PRKACA: variants seen among roughly 807,000 people sequenced by gnomAD.
PRKACA encodes the protein cAMP-dependent protein kinase catalytic subunit alpha.
Under a neutral mutation model 45.8 loss-of-function variants are expected in PRKACA, and 9 were observed. That is an observed-to-expected ratio of 0.20 (90% CI 0.12 to 0.34). The LOEUF (loss-of-function observed/expected upper bound fraction) is 0.34, where lower values mean the gene tolerates loss of function less well. PRKACA is among the 10% of genes least tolerant of loss of function. The probability of loss-of-function intolerance (pLI) is 1.00; values close to 1 mark genes in which losing one functional copy is unlikely to be tolerated. For synonymous variants in PRKACA, 160 were observed against 178.6 expected (o/e 0.90, Z 0.83); for missense variants, 238 against 458.6 (o/e 0.52, Z 4.39).
At chr19:14,113,925 A>G (rs550306962) in intron 1 of PRKACA, among the ~76,000 whole-genome samples, 30 of 151,978 alleles carry the variant, frequency 2.0e-4, no homozygotes, top group Admixed American at 9.2e-4. Flanking sequence ...CGGGTGGACC[A>G]TCCTCCCTTG....
At chr19:14,098,678 T>C (rs1373441670) in intron 5 of PRKACA, among the ~76,000 whole-genome samples, 1 of 151,472 alleles carries the variant, frequency 6.6e-6, no homozygotes, top group Non-Finnish European at 1.5e-5. Flanking sequence ...ATATTTTTAG[T>C]AGAGACGGGG....
At chr19:14,098,177 C>A in intron 5 of PRKACA, 1 of 329,156 alleles carries the variant, frequency 3.0e-6, no homozygotes, top group South Asian at 5.0e-5. Context: ...GCATTTCAAA[C>A]TGATTATGTT....
Position 14,092,926 on chromosome 19 carries a change from G to T in PRKACA, c.*186C>A. On this transcript the variant is annotated 3_prime_UTR_variant, in exon 10 of 10. Coordinates refer to ENST00000308677, the MANE Select transcript of PRKACA (RefSeq NM_002730.4). ...AGGGTGAAGGGGATGAGGGGGAGCA[G>T]CTGGTGTTTCTGTCCCTCTGATTAT... 1.5e-6 allele frequency: 1 copy of T among 681,548 alleles called. No homozygotes were observed. The highest frequency in any genetic ancestry group is 2.3e-6 in the Non-Finnish European group (1 of 428,784). The allele number at this position is 681,548 out of a possible 1,614,324, so 42.2% of individuals were successfully genotyped here.
intron 5 of PRKACA, among the ~76,000 whole-genome samples, chr19:14,098,973 A>G (rs1852724803): frequency 6.6e-6 from 1 of 152,098 alleles, no homozygotes; most frequent in Admixed American, 6.6e-5. Context: ...TGTAAAGTGA[A>G]TCTATAGTTA....
chr19:14,110,130 C>G (rs1966926032), intron 1 of PRKACA, among the ~76,000 whole-genome samples: 1 of 149,854 alleles, frequency 6.7e-6, no homozygotes, highest in African/African-American at 2.5e-5. Flanking sequence ...GGCAACATAG[C>G]AAGACCCAAT....
At chr19:14,114,336 T>C (rs900454894) in intron 1 of PRKACA, 2 of 752,012 alleles carry the variant, frequency 2.7e-6, no homozygotes, top group Non-Finnish European at 4.4e-6. Context: ...GAGGGACAGA[T>C]AGGGCCCTCC....
chr19:14,096,095 A>G (rs2145746497), intron 8 of PRKACA, among the ~76,000 whole-genome samples: 1 of 144,738 alleles, frequency 6.9e-6, no homozygotes, highest in South Asian at 2.2e-4. Context: ...CTGGAGTACA[A>G]TGGTGTGATC....
At chr19:14,102,427 A>G (rs1023950510) in intron 4 of PRKACA, among the ~76,000 whole-genome samples, 2 of 152,154 alleles carry the variant, frequency 1.3e-5, no homozygotes, top group African/African-American at 4.8e-5. Context: ...TTACCATGAG[A>G]AAGCTGAGGC....
chr19:14,093,848 C>T (rs1266439517), intron 8 of PRKACA, 56 bp from the exon 9 acceptor site: 10 of 1,522,064 alleles, frequency 6.6e-6, no homozygotes, highest in African/African-American at 1.4e-5. Context: ...TTGGGAAGCC[C>T]ATGATGCTTC....
chr19:14,113,805 C>T (rs1032673808), intron 1 of PRKACA, among the ~76,000 whole-genome samples: 2 of 152,048 alleles, frequency 1.3e-5, no homozygotes, highest in East Asian at 3.9e-4. Flanking sequence ...CTGGAACGAC[C>T]CCCATTCTGA....
chr19:14,093,121 A>C lies in PRKACA; in HGVS notation c.1047T>G (p.Ser349=). 1.2e-6 allele frequency: 2 copies of C among 1,610,542 alleles called. No homozygotes were observed. The highest frequency in any genetic ancestry group is 1.7e-6 in the Non-Finnish European group (2 of 1,178,856). The change falls in exon 10 of 10, where the codon TCT becomes TCG. Residue 349 remains serine (S), a synonymous_variant. Transcript: ENST00000308677. The part of the protein sequence containing the change: ...SINEKCGKEF[S]EF ...GGGCACAGGCATGCCCCTAAAACTC[A>C]GAAAACTCCTTGCCACACTTCTCAT...
At chr19:14,104,683 G>A (rs1259446566) in intron 3 of PRKACA, among the ~76,000 whole-genome samples, 6 of 141,352 alleles carry the variant, frequency 4.2e-5, no homozygotes, top group Non-Finnish European at 9.1e-5. Context: ...GCGACAGAGC[G>A]AGACTCCATC....
At chr19:14,101,167 T>C (rs1977431213) in intron 4 of PRKACA, 1 of 436,692 alleles carries the variant, frequency 2.3e-6, no homozygotes, top group Admixed American at 3.4e-5. Flanking sequence ...CTCTGGGAGC[T>C]TGAGTAAGGC....
intron 1 of PRKACA, among the ~76,000 whole-genome samples, chr19:14,110,493 G>C (rs1390051511): frequency 6.6e-5 from 10 of 151,744 alleles, no homozygotes. Flanking sequence ...GATTGTTCAA[G>C]CCCGGGACAT....
At position 14,102,770 on chromosome 19, in the gene PRKACA, G is replaced by A. The variant is rs762654270; in HGVS notation, c.336+46C>T. On this transcript the variant is annotated intron_variant, in intron 4 of 9. Coordinates refer to ENST00000308677, the MANE Select transcript of PRKACA (RefSeq NM_002730.4). ...CCCCAGCCCTGGGGGCCAGAAGGCT[G>A]GGACCCAATGCAGTGACCCCCCGCC... The A allele has an allele frequency of 3.3e-6, 5 of 1,521,438 alleles. No homozygotes were observed. In the South Asian group the frequency reaches 5.6e-5, roughly 17 times the overall value. The allele number at this position is 1,521,438 out of a possible 1,614,324, so 94.2% of individuals were successfully genotyped here.
intron 8 of PRKACA, 149 bp from the exon 9 acceptor site, chr19:14,093,941 T>A (rs1191872769): frequency 2.6e-6 from 2 of 758,732 alleles, no homozygotes; most frequent in Non-Finnish European, 4.1e-6. Flanking sequence ...TCCTTGAGCC[T>A]ACCCTACAGT....
intron 1 of PRKACA, among the ~76,000 whole-genome samples, chr19:14,113,754 T>A (rs1398516489): frequency 6.6e-6 from 1 of 151,990 alleles, no homozygotes; most frequent in Non-Finnish European, 1.5e-5. Flanking sequence ...TGCTCTGGGC[T>A]TACCTAAATG....
intron 4 of PRKACA, 69 bp downstream of exon 4, chr19:14,102,747 C>T (rs986438235): frequency 7.2e-7 from 1 of 1,384,338 alleles, no homozygotes; most frequent in East Asian, 2.3e-5. Context: ...AGCTCCGACC[C>T]CAGCCCTGGG....
At chr19:14,109,235 C>G (rs2144484240) in intron 1 of PRKACA, among the ~76,000 whole-genome samples, 1 of 151,922 alleles carries the variant, frequency 6.6e-6, no homozygotes, top group African/African-American at 2.4e-5. Context: ...ATAATCCCAG[C>G]ACTTTGGGAG....
Sources: allele counts gnomAD v4.1 joint callset (sites outside exome capture counted in the v4.1 genomes callset), GRCh38; gene constraint gnomAD v4.1.1; transcripts MANE v1.5; gene names NCBI Gene and HGNC (gene_info 2026-07-23, HGNC 2026-07-21).